SLC12A7: variants seen among roughly 807,000 people sequenced by gnomAD.
SLC12A7 encodes the protein solute carrier family 12 member 7.
SLC12A7 carries 100 observed loss-of-function variants against 120.6 expected under a neutral mutation model. That is an observed-to-expected ratio of 0.83 (90% CI 0.71 to 0.98). The LOEUF (loss-of-function observed/expected upper bound fraction) is 0.98. Ranked by LOEUF, SLC12A7 falls within the 50% of genes least tolerant of loss-of-function variation. The pLI, the probability that SLC12A7 is intolerant of heterozygous loss-of-function variation, is 0.00. For synonymous variants in SLC12A7, 760 were observed against 678.0 expected (o/e 1.12, Z -1.88); for missense variants, 1,373 against 1,548.1 (o/e 0.89, Z 1.90).
the SLC12A7 span, among the ~76,000 whole-genome samples, chr5:1,122,986 G>T: frequency 1.3e-5 from 2 of 152,368 alleles, no homozygotes; most frequent in East Asian, 1.9e-4. Context: ...GCCTGGGGGC[G>T]CGGGGCCTGA....
In SLC12A7 at chr5:1,076,658, C is replaced by T. The variant is rs375924909; in HGVS notation, c.1748+36G>A. The T allele has an allele frequency of 6.2e-5, 95 of 1,520,346 alleles. No individual in the cohort carries two copies. In the Middle Eastern group the frequency reaches 8.1e-4, roughly 13 times the overall value. 94.2% of individuals were successfully genotyped at this position (1,520,346 alleles called of 1,614,324 possible). A position where few individuals can be genotyped will look rare whatever the true frequency, so the allele number is the denominator to read the frequency against. On this transcript the variant is annotated intron_variant, in intron 13 of 23. Coordinates refer to ENST00000264930, the MANE Select transcript of SLC12A7 (RefSeq NM_006598.3). ...CACTGCCCCACGCTCCAGGCCCATACACCCATCCCCAGGTCCCCGTCCTGT... is the reference window on the plus strand; with the variant it reads ...CACTGCCCCACGCTCCAGGCCCATATACCCATCCCCAGGTCCCCGTCCTGT...
At chr5:1,055,995 G>A (rs899464049) in intron 22 of SLC12A7, among the ~76,000 whole-genome samples, 1 of 152,184 alleles carries the variant, frequency 6.6e-6, no homozygotes, top group Non-Finnish European at 1.5e-5. Context: ...TGGCCCAGGC[G>A]GTTACTGGCG....
At chr5:1,140,532 A>C in the SLC12A7 span, among the ~76,000 whole-genome samples, 1 of 152,128 alleles carries the variant, frequency 6.6e-6, no homozygotes, top group East Asian at 1.9e-4. Context: ...CCCTCCCCAC[A>C]GCTGTCCCTG....
chr5:1,148,205 CTTT>C, the SLC12A7 span, among the ~76,000 whole-genome samples: 8 of 107,634 alleles, frequency 7.4e-5, no homozygotes, highest in Admixed American at 3.3e-4. Context: ...TTCTTTCTTT[CTTT>C]TTTTTTTTTT....
chr5:1,152,440 G>A, the SLC12A7 span, among the ~76,000 whole-genome samples: 152 of 152,358 alleles, frequency 1.0e-3, no homozygotes, highest in African/African-American at 3.5e-3. Flanking sequence ...GCCTGTGCCC[G>A]TGGGCTCACC....
rs372536378 is a variant in SLC12A7, at chr5:1,052,444, C to T, written c.3168G>A (p.Glu1056=). 1.4e-5 allele frequency: 22 copies of T among 1,612,662 alleles called. No individual in the cohort carries two copies. Among genetic ancestry groups the T allele is most frequent in the Middle Eastern group, 1.6e-4 (1 of 6,080 alleles). ...GCCCCTCGGTCAGGACTTCAAGAAACTCCATGTCTGTGGTCAACAGAGTTA... is the reference window on the plus strand; with the variant it reads ...GCCCCTCGGTCAGGACTTCAAGAAATTCCATGTCTGTGGTCAACAGAGTTA... ...KNRQGDENYM[E]FLEVLTEGLN... The change falls in exon 24 of 24, where the codon GAG becomes GAA. Residue 1056 remains glutamate, a synonymous_variant. Coordinates refer to ENST00000264930, the MANE Select transcript of SLC12A7 (RefSeq NM_006598.3).
At chr5:1,112,098 GC>G, upstream of SLC12A7, 1 of 1,142,596 alleles carries the variant, frequency 8.8e-7, no homozygotes, top group African/African-American at 1.6e-5. Context: ...GAGCCGCCCC[GC>G]CCCGCCCGGG....
rs752061622 is a variant in SLC12A7 at position 1,078,027 on chromosome 5, C to T, written c.1455-20G>A. Reference sequence around the variant, plus strand: ...CCGAACCTGCAGGCAGGCGGGCAGGCGGGCGGGCGGCTTTCAGAAGTGAGC... The same window carrying T: ...CCGAACCTGCAGGCAGGCGGGCAGGTGGGCGGGCGGCTTTCAGAAGTGAGC... On this transcript the variant is annotated intron_variant, in intron 11 of 23. Coordinates refer to ENST00000264930, the MANE Select transcript of SLC12A7 (RefSeq NM_006598.3). 3.9e-5 allele frequency: 60 copies of T among 1,539,028 alleles called. No homozygotes were observed. The highest frequency in any genetic ancestry group is 9.6e-5 in the South Asian group (8 of 83,300).
At chr5:1,101,381 G>C (rs145309112) in intron 1 of SLC12A7, among the ~76,000 whole-genome samples, 157 of 152,294 alleles carry the variant, frequency 1.0e-3, no homozygotes, top group African/African-American at 3.6e-3. Context: ...AGACGTGCCC[G>C]GGACTGACAG....
the SLC12A7 span, among the ~76,000 whole-genome samples, chr5:1,149,345 G>A: frequency 2.0e-5 from 3 of 152,328 alleles, no homozygotes; most frequent in South Asian, 4.1e-4. Flanking sequence ...GGGAGGCCAA[G>A]GTGGGCAGAT....
chr5:1,074,738 G>C lies in SLC12A7; in HGVS notation c.1968-67C>G, dbSNP rs767455799. On this transcript the variant is annotated intron_variant, in intron 15 of 23. Transcript: ENST00000264930. Reference sequence around the variant, plus strand: ...GAGGCTCCTCTCCCACCTGGGAAAGGGGACTTCTGGGGGCAGGTGAGTTGG... The same window carrying C: ...GAGGCTCCTCTCCCACCTGGGAAAGCGGACTTCTGGGGGCAGGTGAGTTGG... 1.0e-5 allele frequency: 15 copies of C among 1,439,020 alleles called. No homozygotes were observed. In the African/African-American group the frequency reaches 1.8e-4, roughly 17 times the overall value. The allele number at this position is 1,439,020 out of a possible 1,614,324, so 89.1% of individuals were successfully genotyped here. A position where few individuals can be genotyped will look rare whatever the true frequency, so the allele number is the denominator to read the frequency against.
the SLC12A7 span, among the ~76,000 whole-genome samples, chr5:1,152,793 G>A: frequency 2.0e-5 from 3 of 152,144 alleles, no homozygotes; most frequent in South Asian, 2.1e-4. Context: ...TGACCGACAC[G>A]GGGGAGGCCT....
chr5:1,105,102 C>G (rs1202074352), intron 1 of SLC12A7, among the ~76,000 whole-genome samples: 1 of 150,754 alleles, frequency 6.6e-6, no homozygotes, highest in Admixed American at 6.6e-5. Context: ...CAGTCACCCA[C>G]CAGCCAAAGG....
chr5:1,059,682 T>C (rs1735982485), intron 21 of SLC12A7, among the ~76,000 whole-genome samples: 2 of 146,898 alleles, frequency 1.4e-5, no homozygotes, highest in Admixed American at 1.4e-4. Flanking sequence ...CTCAGCAGCC[T>C]ACAGTTACCC....
At chr5:1,099,505 G>GACATCAACCCAGTCC (rs1741780680) in intron 1 of SLC12A7, among the ~76,000 whole-genome samples, 2 of 151,668 alleles carry the variant, frequency 1.3e-5, no homozygotes, top group African/African-American at 4.8e-5. Context: ...CCGGGGGACG[G>GACATCAACCCAGTCC]CAGGCATCCT....
In SLC12A7 at chr5:1,065,386, G is replaced by T; in HGVS notation, c.2334C>A (p.Ile778=). Reference sequence around the variant, plus strand: ...TCAGGCCGCCCAGGCCGGCCGACTGGATCAGGTGGGACATGCCATCCCGCA... The same window carrying T: ...TCAGGCCGCCCAGGCCGGCCGACTGTATCAGGTGGGACATGCCATCCCGCA... ...SSLRDGMSHL[I]QSAGLGGLKH... Residue 778 remains isoleucine (I), a synonymous_variant, in exon 18 of 24, where the codon ATC becomes ATA. Coordinates refer to ENST00000264930, the MANE Select transcript of SLC12A7 (RefSeq NM_006598.3). The T allele has an allele frequency of 3.7e-6, 6 of 1,612,622 alleles. No individual in the cohort carries two copies. The East Asian group carries it at 1.3e-4, about 36-fold the overall frequency.
chr5:1,096,681 G>GA (rs1741169976), intron 1 of SLC12A7, among the ~76,000 whole-genome samples: 4 of 124,944 alleles, frequency 3.2e-5, no homozygotes, highest in Non-Finnish European at 5.0e-5. Flanking sequence ...AGGAAGAAAG[G>GA]AGGGAGGGGG....
the SLC12A7 span, among the ~76,000 whole-genome samples, chr5:1,149,127 C>T: frequency 6.3e-3 from 597 of 94,582 alleles, 2 homozygotes; most frequent in Non-Finnish European, 9.6e-3. Flanking sequence ...GTGGATCCTA[C>T]GATGCCGCAC....
At chr5:1,067,520 G>A (rs534374933) in intron 17 of SLC12A7, among the ~76,000 whole-genome samples, 2 of 152,360 alleles carry the variant, frequency 1.3e-5, no homozygotes, top group South Asian at 2.1e-4. Context: ...CGATCTGGCC[G>A]GAGAACGGAG....
Sources: gnomAD v4.1 joint callset for allele counts (sites outside exome capture counted in the v4.1 genomes callset) on GRCh38, gnomAD v4.1.1 for gene constraint, MANE v1.5 for transcripts, NCBI Gene and HGNC (gene_info 2026-07-23, HGNC 2026-07-21) for gene names.